TMEM114: variants seen among roughly 807,000 people sequenced by gnomAD.
TMEM114 encodes the protein claudin-26.
Under a neutral mutation model 6.2 loss-of-function variants are expected in TMEM114, and 6 were observed. The observed-to-expected ratio is 0.97, with a 90% confidence interval of 0.53 to 1.91. The LOEUF is 1.91. TMEM114 is among the 40% of genes most tolerant of loss of function. TMEM114 has a pLI of 0.01. For synonymous variants in TMEM114, 104 were observed against 73.0 expected, an observed-to-expected ratio of 1.42 and a Z score of -2.16; for missense variants, 218 against 158.3, an observed-to-expected ratio of 1.38 and a Z score of -2.02.
chr16:8,568,516 G>A (rs1215849519), downstream of TMEM114, among the ~76,000 whole-genome samples: 1 of 152,202 alleles, frequency 6.6e-6, no homozygotes, highest in Non-Finnish European at 1.5e-5. Context: ...TAGCACAGGT[G>A]CATAGAAAGT....
At chr16:8,554,867 G>T (rs558886308) in intron 2 of TMEM114, among the ~76,000 whole-genome samples, 2 of 152,328 alleles carry the variant, frequency 1.3e-5, no homozygotes, top group African/African-American at 4.8e-5. Context: ...GAGGGACGAA[G>T]AGCTTAAGCA....
chr16:8,575,947 C>A (rs1901909948), intron 2 of TMEM114, among the ~76,000 whole-genome samples: 1 of 152,168 alleles, frequency 6.6e-6, no homozygotes, highest in Admixed American at 6.5e-5. Flanking sequence ...TAATGAACTC[C>A]TGTGATGGAG....
chr16:8,572,743 G>T (rs1901778245), intron 2 of TMEM114, among the ~76,000 whole-genome samples: 1 of 152,150 alleles, frequency 6.6e-6, no homozygotes, highest in South Asian at 2.1e-4. Flanking sequence ...GCCAGAGCTG[G>T]TTTCTAACAA....
chr16:8,539,381 C>G (rs1900454270), intron 2 of TMEM114, among the ~76,000 whole-genome samples: 1 of 152,172 alleles, frequency 6.6e-6, no homozygotes, highest in Non-Finnish European at 1.5e-5. Flanking sequence ...ACCCAGAATA[C>G]TTGCCCCTGG....
chr16:8,545,600 T>C (rs1327170139), intron 2 of TMEM114, among the ~76,000 whole-genome samples: 1 of 152,168 alleles, frequency 6.6e-6, no homozygotes, highest in Non-Finnish European at 1.5e-5. Context: ...CTGGGTGTCA[T>C]TCCCAGAGTT....
At chr16:8,559,312 G>C (rs1901125294) in intron 2 of TMEM114, among the ~76,000 whole-genome samples, 2 of 152,204 alleles carry the variant, frequency 1.3e-5, no homozygotes, top group Non-Finnish European at 2.9e-5. Context: ...CAAAACGCTG[G>C]GATTATAGGC....
chr16:8,548,138 G>A (rs113218168), intron 2 of TMEM114, among the ~76,000 whole-genome samples: 11,642 of 152,230 alleles, frequency 0.076, 546 homozygotes, highest in Middle Eastern at 0.18. Flanking sequence ...CTTAGACACC[G>A]TGAGTTTGAA....
chr16:8,554,259 G>GA (rs34371721), intron 2 of TMEM114, among the ~76,000 whole-genome samples: 63,149 of 151,248 alleles, frequency 0.42, 13,548 homozygotes, highest in East Asian at 0.52. Context: ...TGATTTCAGG[G>GA]AAAAAAAGGG....
At chr16:8,585,567 A>G (rs1379649088) in intron 2 of TMEM114, among the ~76,000 whole-genome samples, 1 of 152,060 alleles carries the variant, frequency 6.6e-6, no homozygotes, top group Non-Finnish European at 1.5e-5. Flanking sequence ...AAACATCTTC[A>G]TATAATAGAA....
intron 2 of TMEM114, among the ~76,000 whole-genome samples, chr16:8,576,448 C>T (rs1901932784): frequency 6.6e-6 from 1 of 152,188 alleles, no homozygotes; most frequent in Admixed American, 6.5e-5. Context: ...ACTTGAACTG[C>T]AGGGGTGTCC....
At chr16:8,571,568 CCAA>C (rs1382146360) in intron 3 of TMEM114, among the ~76,000 whole-genome samples, 1 of 152,108 alleles carries the variant, frequency 6.6e-6, no homozygotes, top group African/African-American at 2.4e-5. Flanking sequence ...TGTTCTTTGA[CCAA>C]CATCTCCCCA....
At chr16:8,573,558 G>A (rs1000593783) in intron 2 of TMEM114, among the ~76,000 whole-genome samples, 2 of 151,352 alleles carry the variant, frequency 1.3e-5, no homozygotes, top group African/African-American at 4.8e-5. Context: ...AAAGAAAAAA[G>A]GGAAACAAGT....
At chr16:8,539,700 T>C (rs1900463728) in intron 2 of TMEM114, among the ~76,000 whole-genome samples, 1 of 152,070 alleles carries the variant, frequency 6.6e-6, no homozygotes, top group African/African-American at 2.4e-5. Flanking sequence ...CAGATGTTGT[T>C]CATATAGATC....
At chr16:8,564,783 G>C (rs1340127040), downstream of TMEM114, among the ~76,000 whole-genome samples, 1 of 151,094 alleles carries the variant, frequency 6.6e-6, no homozygotes, top group Admixed American at 6.6e-5. Context: ...ATGAGTGAGT[G>C]AGTGAATTAG....
rs749162329 is a variant in TMEM114 at position 8,558,176 on chromosome 16, C to T, written n.213-20350G>A. On this transcript the variant is annotated intron_variant and non_coding_transcript_variant, in intron 2 of 2. Transcript: ENST00000623677. ...GCTGAGGCAGGAGAATCACTTGAACCTGAGAAGCAGATGTTGCAGTGAGCA... is the reference window on the plus strand; with the variant it reads ...GCTGAGGCAGGAGAATCACTTGAACTTGAGAAGCAGATGTTGCAGTGAGCA... Among the ~76,000 whole-genome samples the T allele has an allele frequency of 5.3e-5, 8 of 152,142 alleles. No homozygotes were observed. In the East Asian group the frequency reaches 7.7e-4, roughly 15 times the overall value.
intron 3 of TMEM114, among the ~76,000 whole-genome samples, chr16:8,570,589 C>T (rs1901703396): frequency 6.6e-6 from 1 of 152,198 alleles, no homozygotes; most frequent in Admixed American, 6.5e-5. Context: ...GTCTCTGCCT[C>T]CTAACGTGCT....
chr16:8,580,258 AG>A (rs1902090226), intron 2 of TMEM114, among the ~76,000 whole-genome samples: 1 of 152,182 alleles, frequency 6.6e-6, no homozygotes, highest in Admixed American at 6.5e-5. Flanking sequence ...AGGCCAAGGC[AG>A]GCAGATCACT....
chr16:8,552,035 C>T (rs116682137), intron 2 of TMEM114, among the ~76,000 whole-genome samples: 1 of 152,070 alleles, frequency 6.6e-6, no homozygotes, highest in Admixed American at 6.5e-5. Context: ...AATTACAGAG[C>T]TCCAAAGCTA....
At chr16:8,533,808 T>C (rs948602537), downstream of TMEM114, among the ~76,000 whole-genome samples, 1 of 152,230 alleles carries the variant, frequency 6.6e-6, no homozygotes, top group Admixed American at 6.5e-5. Flanking sequence ...GCAGGAACTT[T>C]GGTCTCAGAT....
Sources: allele counts gnomAD v4.1 joint callset (sites outside exome capture counted in the v4.1 genomes callset), GRCh38; gene constraint gnomAD v4.1.1; transcripts MANE v1.5; gene names NCBI Gene and HGNC (gene_info 2026-07-23, HGNC 2026-07-21).